BTAF1: variants seen among roughly 807,000 people sequenced by gnomAD.
BTAF1 encodes the protein TATA-binding protein-associated factor 172.
Under a neutral mutation model 227.1 loss-of-function variants are expected in BTAF1, and 38 were observed. The ratio of observed to expected loss-of-function variants is 0.17; its 90% CI spans 0.13 to 0.22. BTAF1 has a LOEUF of 0.22. Ranked by LOEUF, BTAF1 falls within the 10% of genes least tolerant of loss-of-function variation. The probability of loss-of-function intolerance (pLI) is 1.00; values close to 1 mark genes in which losing one functional copy is unlikely to be tolerated. For missense variants in BTAF1, 1,598 were observed against 2,204.0 expected, an observed-to-expected ratio of 0.73 and a Z score of 5.51; for synonymous variants, 742 against 751.9, an observed-to-expected ratio of 0.99 and a Z score of 0.21.
intron 34 of BTAF1, 148 bp from the exon 35 acceptor site, chr10:92,024,608 G>A (rs983032940): frequency 3.0e-6 from 2 of 656,816 alleles, no homozygotes; most frequent in Non-Finnish European, 5.1e-6. Context: ...GTGCTGCAGG[G>A]TGACAGATTG....
chr10:91,929,698 A>G (rs1844141454), intron 1 of BTAF1, among the ~76,000 whole-genome samples: 2 of 152,154 alleles, frequency 1.3e-5, no homozygotes, highest in Admixed American at 1.3e-4. Flanking sequence ...TTCCAGGCCT[A>G]TTCCTCCCTG....
Position 92,024,951 on chromosome 10 carries a change from C to T in BTAF1, c.5059C>T (p.His1687Tyr). ...TGGCAGCATACCTCCTGGTCAGAGGCATTCCATTGTTTCCCGGTAAGTGGC... is the reference window on the plus strand; with the variant it reads ...TGGCAGCATACCTCCTGGTCAGAGGTATTCCATTGTTTCCCGGTAAGTGGC... Reference protein sequence around the residue: ...LDGSIPPGQRHSIVSRFNNDP... With the variant: ...LDGSIPPGQRYSIVSRFNNDP... The change falls in exon 35 of 38, where the codon CAT becomes TAT. Residue 1687 changes from histidine to tyrosine, a missense_variant. Physicochemically the swap from His to Tyr is moderately conservative, Grantham distance 83. This residue lies in a region of BTAF1 where 205 missense variants were observed against 244.5 expected (regional missense o/e 0.84). Coordinates refer to ENST00000265990, the MANE Select transcript of BTAF1 (RefSeq NM_003972.3). The T allele has an allele frequency of 1.2e-6, 2 of 1,613,916 alleles. No homozygotes were observed. The highest frequency in any genetic ancestry group is 1.1e-5 in the South Asian group (1 of 91,046).
At chr10:92,022,438 T>G (rs1456454496) in intron 34 of BTAF1, among the ~76,000 whole-genome samples, 1 of 152,128 alleles carries the variant, frequency 6.6e-6, no homozygotes, top group Non-Finnish European at 1.5e-5. Context: ...TTTCTTCTCC[T>G]AGAGAGAGGG....
chr10:91,962,083 G>C (rs1846564145), intron 11 of BTAF1, among the ~76,000 whole-genome samples: 1 of 152,126 alleles, frequency 6.6e-6, no homozygotes, highest in African/African-American at 2.4e-5. Flanking sequence ...TTTTGTTTAT[G>C]TGATTGTTTT....
intron 34 of BTAF1, among the ~76,000 whole-genome samples, chr10:92,020,873 T>C (rs1244443538): frequency 6.6e-6 from 1 of 150,432 alleles, no homozygotes; most frequent in Non-Finnish European, 1.5e-5. Flanking sequence ...TTCTTACAGA[T>C]TTTTTTTTTC....
intron 3 of BTAF1, among the ~76,000 whole-genome samples, 190 bp from the exon 4 acceptor site, chr10:91,942,229 AGCT>A (rs1228064272): frequency 6.6e-6 from 1 of 151,908 alleles, no homozygotes; most frequent in African/African-American, 2.4e-5. Flanking sequence ...GGATACAGTG[AGCT>A]GTGATTATGC....
intron 1 of BTAF1, among the ~76,000 whole-genome samples, chr10:91,930,017 ATTTC>A (rs1238131354): frequency 1.3e-5 from 2 of 152,152 alleles, no homozygotes; most frequent in African/African-American, 4.8e-5. Context: ...ATTCCTCCTT[ATTTC>A]TTTGGCGTAT....
intron 4 of BTAF1, 21 bp from the exon 5 acceptor site, chr10:91,951,382 G>T (rs376185611): frequency 1.3e-6 from 2 of 1,598,398 alleles, no homozygotes; most frequent in African/African-American, 1.4e-5. Context: ...TGGAGAAAAC[G>T]TATTTCTTTT....
At chr10:92,013,013 CAG>C (rs1405807767) in intron 30 of BTAF1, among the ~76,000 whole-genome samples, 1 of 152,102 alleles carries the variant, frequency 6.6e-6, no homozygotes, top group Non-Finnish European at 1.5e-5. Flanking sequence ...GGCCCAGAGT[CAG>C]GGGGCAGAGG....
intron 2 of BTAF1, among the ~76,000 whole-genome samples, chr10:91,936,614 A>G (rs1451905606): frequency 1.3e-5 from 2 of 152,208 alleles, no homozygotes; most frequent in Non-Finnish European, 2.9e-5. Context: ...CCACTTAGAT[A>G]TTATCAGAAC....
intron 25 of BTAF1, among the ~76,000 whole-genome samples, chr10:92,005,613 A>G (rs1487823013): frequency 2.0e-5 from 3 of 151,920 alleles, no homozygotes; most frequent in Non-Finnish European, 4.4e-5. Context: ...CTTTTTTCAC[A>G]TAGATTGTTG....
chr10:91,994,374 T>C (rs1848999859), intron 22 of BTAF1, among the ~76,000 whole-genome samples, 161 bp from the exon 23 acceptor site: 1 of 152,190 alleles, frequency 6.6e-6, no homozygotes, highest in African/African-American at 2.4e-5. Flanking sequence ...TTGCTCTACA[T>C]GTAGTACCCC....
chr10:92,008,370 G>GCAAGAC, intron 26 of BTAF1, 95 bp downstream of exon 26: 4 of 1,216,020 alleles, frequency 3.3e-6, no homozygotes, highest in African/African-American at 1.6e-5. Context: ...TTGAGACAGA[G>GCAAGAC]TCTTGCTCTG....
chr10:91,959,190 T>G (rs1564673922), intron 9 of BTAF1, 36 bp downstream of exon 9: 1 of 1,612,936 alleles, frequency 6.2e-7, no homozygotes, highest in Non-Finnish European at 8.5e-7. Flanking sequence ...CACCAAGTAT[T>G]AATAGTTGGC....
chr10:91,947,964 C>T, intron 4 of BTAF1, among the ~76,000 whole-genome samples: 1 of 151,732 alleles, frequency 6.6e-6, no homozygotes, highest in East Asian at 1.9e-4. Context: ...TTCTTTATAT[C>T]TTTTTTCTCT....
chr10:91,992,447 A>G (rs1484741240), intron 21 of BTAF1, 138 bp downstream of exon 21: 3 of 806,422 alleles, frequency 3.7e-6, no homozygotes, highest in Non-Finnish European at 1.9e-6. Context: ...TACTCCAACA[A>G]TATGATCCAG....
chr10:91,926,510 T>C (rs763166123), intron 1 of BTAF1, among the ~76,000 whole-genome samples: 1 of 152,202 alleles, frequency 6.6e-6, no homozygotes, highest in Non-Finnish European at 1.5e-5. Context: ...TTTCTCCAGC[T>C]GATCATTTTT....
intron 34 of BTAF1, among the ~76,000 whole-genome samples, chr10:92,024,403 G>A (rs1338739409): frequency 6.6e-6 from 1 of 152,096 alleles, no homozygotes; most frequent in Non-Finnish European, 1.5e-5. Flanking sequence ...TAAACTTCTG[G>A]GCCGGGTGTG....
intron 8 of BTAF1, among the ~76,000 whole-genome samples, chr10:91,958,395 T>G (rs190621903): frequency 1.8e-4 from 27 of 152,128 alleles, no homozygotes; most frequent in Non-Finnish European, 4.0e-4. Flanking sequence ...AAAATACATG[T>G]GTTGGGATTA....
Sources: allele counts gnomAD v4.1 joint callset (sites outside exome capture counted in the v4.1 genomes callset), GRCh38; gene constraint gnomAD v4.1.1; regional missense constraint gnomAD v4.1.1; transcripts MANE v1.5; gene names NCBI Gene and HGNC (gene_info 2026-07-23, HGNC 2026-07-21).